The following ALG13 variants were observed in gnomAD, a reference collection of about 807,000 sequenced individuals.
The protein encoded by ALG13 is ALG13 UDP-N-acetylglucosaminyltransferase subunit.
ALG13 carries 11 observed loss-of-function variants against 87.8 expected under a neutral mutation model. The ratio of observed to expected loss-of-function variants is 0.13; its 90% CI spans 0.08 to 0.21. The LOEUF (loss-of-function observed/expected upper bound fraction) is 0.21, where lower values mean the gene tolerates loss of function less well. ALG13 is among the 10% of genes least tolerant of loss of function. The pLI, the probability that ALG13 is intolerant of heterozygous loss-of-function variation, is 1.00. For synonymous variants in ALG13, 320 were observed against 306.3 expected (o/e 1.04, Z -0.47); for missense variants, 756 against 866.1 (o/e 0.87, Z 1.60).
chrX:111,721,053 G>A (rs1352910380), intron 11 of ALG13, among the ~76,000 whole-genome samples: 1 of 100,815 alleles, frequency 9.9e-6, no homozygotes, highest in Non-Finnish European at 2.0e-5. Context: ...AAAGAACGAC[G>A]TGGTTTTTTT....
At chrX:111,743,106 G>A (rs1044350374) in intron 23 of ALG13, among the ~76,000 whole-genome samples, 2 of 111,662 alleles carry the variant, frequency 1.8e-5, no homozygotes, top group Middle Eastern at 4.6e-3. Context: ...TTTCAGGCCC[G>A]TGAGAATGTA....
chrX:111,688,468 T>A (rs1459673700), intron 3 of ALG13: 48 of 751,821 alleles, frequency 6.4e-5, no homozygotes, highest in Non-Finnish European at 7.4e-5. Flanking sequence ...AAATGAAAAG[T>A]TCAATCATTG....
At position 111,760,214 on chromosome X, in the gene ALG13, T is replaced by C; in HGVS notation, c.*215T>C. On this transcript the variant is annotated 3_prime_UTR_variant, in exon 27 of 27. Coordinates refer to ENST00000394780, the MANE Select transcript of ALG13 (RefSeq NM_001099922.3). ...AAGGAAATTGAGATGGATGTACAAC[T>C]AGCCCCATATTGAGCATACTTCATT... 4.9e-6 allele frequency: 2 copies of C among 408,467 alleles called. No individual in the cohort carries two copies. Among genetic ancestry groups the C allele is most frequent in the Admixed American group, 9.6e-5 (2 of 20,930 alleles). 33.7% of individuals were successfully genotyped at this position (408,467 alleles called of 1,213,427 possible). A position where few individuals can be genotyped will look rare whatever the true frequency, so the allele number is the denominator to read the frequency against.
chrX:111,740,856 G>A (rs1470001979), intron 23 of ALG13, among the ~76,000 whole-genome samples: 2 of 112,212 alleles, frequency 1.8e-5, no homozygotes, highest in Non-Finnish European at 3.8e-5. Context: ...CTTGAAAACT[G>A]GAACATGAAA....
At chrX:111,718,046 A>G in intron 9 of ALG13, 66 bp from the exon 10 acceptor site, 1 of 1,097,158 alleles carries the variant, frequency 9.1e-7, no homozygotes. Context: ...CAGGATTATG[A>G]CTATTTTCAC....
chrX:111,702,807 G>C (rs375669271), intron 3 of ALG13, among the ~76,000 whole-genome samples: 2 of 109,491 alleles, frequency 1.8e-5, no homozygotes, highest in African/African-American at 6.6e-5. Context: ...ATCTTCAGTA[G>C]CTTTTCTGAG....
intron 3 of ALG13, among the ~76,000 whole-genome samples, chrX:111,693,256 A>AT (rs1200515983): frequency 2.3e-5 from 2 of 87,989 alleles, no homozygotes; most frequent in African/African-American, 9.1e-5. Flanking sequence ...ACATGATGCT[A>AT]TTTATTTTTT....
rs1008287339 is a variant in ALG13, at chrX:111,735,050, G to A, written c.2458-1G>A. 1.8e-6 allele frequency: 2 copies of A among 1,140,461 alleles called. No individual in the cohort carries two copies. The highest frequency in any genetic ancestry group is 2.4e-6 in the Non-Finnish European group (2 of 836,915). The allele number at this position is 1,140,461 out of a possible 1,213,427, so 94.0% of individuals were successfully genotyped here. A position where few individuals can be genotyped will look rare whatever the true frequency, so the allele number is the denominator to read the frequency against. On this transcript the variant is annotated splice_acceptor_variant, in intron 21 of 26. Transcript: ENST00000394780. LOFTEE classifies it high-confidence loss of function. ...TATTTAACTATATTTTTGTATTAAA[G>A]TCTCTTCAGGACAGAAAGTCATGTT...
intron 21 of ALG13, among the ~76,000 whole-genome samples, chrX:111,733,432 T>C (rs1004765327): frequency 8.9e-6 from 1 of 111,982 alleles, no homozygotes; most frequent in African/African-American, 3.3e-5. Flanking sequence ...TAACGGTCTT[T>C]AATTCCATCT....
Position 111,681,230 on chromosome X carries a change from G to A in ALG13, c.12G>A (p.Val4=), listed in dbSNP as rs781450458. ...GAGGAACCCGCGCCATGAAGTGCGT[G>A]TTTGTTACCGTAGGGACCACCAGCT... MKC[V]FVTVGTTSFD... is the part of the protein sequence containing the mutation. Residue 4 remains valine (V), a synonymous_variant, in exon 1 of 27, where the codon GTG becomes GTA. Coordinates refer to ENST00000394780, the MANE Select transcript of ALG13 (RefSeq NM_001099922.3). 8.2e-7 allele frequency: 1 copy of A among 1,212,129 alleles called. No individual in the cohort carries two copies. The highest frequency in any genetic ancestry group is 2.2e-5 in the Admixed American group (1 of 46,142).
intron 5 of ALG13, 144 bp downstream of exon 5, chrX:111,709,192 A>G: frequency 3.6e-6 from 1 of 278,552 alleles, no homozygotes; most frequent in Non-Finnish European, 6.5e-6. Flanking sequence ...CCTTCCCAGT[A>G]GCTAACATGC....
chrX:111,704,659 G>A (rs1938439384), intron 3 of ALG13, among the ~76,000 whole-genome samples: 1 of 111,683 alleles, frequency 9.0e-6, no homozygotes, highest in Admixed American at 9.5e-5. Context: ...AAGTAGATTA[G>A]TGGTTGTCTG....
At chrX:111,746,449 T>C (rs1406228438) in intron 24 of ALG13, among the ~76,000 whole-genome samples, 1 of 112,046 alleles carries the variant, frequency 8.9e-6, no homozygotes. Context: ...ATGGAAAGCT[T>C]CTTAAACTTG....
chrX:111,737,597 T>C (rs1210466083), intron 23 of ALG13, among the ~76,000 whole-genome samples: 1 of 111,974 alleles, frequency 8.9e-6, no homozygotes, highest in Non-Finnish European at 1.9e-5. Flanking sequence ...TTTAAGCAGG[T>C]AGGGACAAAC....
intron 25 of ALG13, 62 bp from the exon 26 acceptor site, chrX:111,757,526 A>G: frequency 6.2e-6 from 5 of 812,602 alleles, no homozygotes; most frequent in Non-Finnish European, 8.4e-6. Flanking sequence ...GGGGAACTGT[A>G]TTACATTAAG....
At chrX:111,750,775 C>A (rs954765702) in intron 24 of ALG13, among the ~76,000 whole-genome samples, 43 of 110,239 alleles carry the variant, frequency 3.9e-4, no homozygotes, top group African/African-American at 1.4e-3. Context: ...TCAAGCAATT[C>A]TCCTGCCTCA....
intron 2 of ALG13, among the ~76,000 whole-genome samples, chrX:111,684,047 T>C (rs1934277311): frequency 8.9e-6 from 1 of 112,400 alleles, no homozygotes; most frequent in South Asian, 3.7e-4. Flanking sequence ...TTCAACTTTA[T>C]GGTGGTGTGA....
In ALG13 at chrX:111,726,910, C is replaced by G. The variant is rs199505558; in HGVS notation, c.1831C>G (p.Leu611Val). 7 of 1,209,548 alleles carry G rather than the reference C, an allele frequency of 5.8e-6. No individual in the cohort carries two copies. In the African/African-American group the frequency reaches 8.8e-5, roughly 15 times the overall value. Residue 611 changes from leucine (L) to valine (V), a missense_variant, in exon 16 of 27, where the codon CTC becomes GTC. Leu to Val is a conservative substitution (Grantham distance 32). This residue lies in a region of ALG13 where 362 missense variants were observed against 383.5 expected (regional missense o/e 0.94). Coordinates refer to ENST00000394780, the MANE Select transcript of ALG13 (RefSeq NM_001099922.3). The part of the protein sequence containing the change: ...TMAYGKGDPL[L>V]PPRLQHSMHY... Reference sequence around the variant, plus strand: ...GGCTTACGGCAAGGGAGACCCCCTCCTCCCACCCAGGCTGCAGCACAGTAT... The same window carrying G: ...GGCTTACGGCAAGGGAGACCCCCTCGTCCCACCCAGGCTGCAGCACAGTAT...
chrX:111,694,189 G>A (rs766442912), intron 3 of ALG13, among the ~76,000 whole-genome samples: 3 of 109,469 alleles, frequency 2.7e-5, no homozygotes, highest in Non-Finnish European at 5.7e-5. Context: ...GACTACAGGC[G>A]CCCACCACCA....
Sources: gnomAD v4.1 joint callset for allele counts (sites outside exome capture counted in the v4.1 genomes callset) on GRCh38, gnomAD v4.1.1 for gene constraint, gnomAD v4.1.1 regional missense constraint, MANE v1.5 for transcripts, NCBI Gene and HGNC (gene_info 2026-07-23, HGNC 2026-07-21) for gene names.